Variants in IGF2BP2 observed in about 807,000 individuals in gnomAD.
IGF2BP2 encodes the protein insulin-like growth factor 2 mRNA-binding protein 2.
In IGF2BP2, 17 loss-of-function variants were observed where a neutral mutation model predicts 75.8. The ratio of observed to expected loss-of-function variants is 0.22; its 90% CI spans 0.15 to 0.34. The LOEUF (loss-of-function observed/expected upper bound fraction) is 0.34, where lower values mean the gene tolerates loss of function less well. Among genes scored for constraint, IGF2BP2 ranks in the 10% least tolerant of loss-of-function variants. The pLI is 1.00. For synonymous variants in IGF2BP2, 288 were observed against 295.6 expected (o/e 0.97, Z 0.26); for missense variants, 516 against 772.4 (o/e 0.67, Z 3.93).
At chr3:185,719,800 C>T (rs577833889) in intron 2 of IGF2BP2, among the ~76,000 whole-genome samples, 1 of 152,000 alleles carries the variant, frequency 6.6e-6, no homozygotes, top group African/African-American at 2.4e-5. Context: ...CGCCACTGCA[C>T]TCCAGCCTGG....
intron 12 of IGF2BP2, among the ~76,000 whole-genome samples, chr3:185,655,267 G>T (rs1157563042): frequency 1.3e-5 from 2 of 152,134 alleles, no homozygotes; most frequent in Non-Finnish European, 2.9e-5. Flanking sequence ...AAGTAGCTGG[G>T]ATTACAGGCA....
In IGF2BP2 at chr3:185,755,292, G is replaced by C. The variant is rs533102588; in HGVS notation, c.240-56945C>G. ...GGTACAGCTCGGGCTGCTTTGGAGA[G>C]TGCAAGATACCATAAACCTTGGTAG... On this transcript the variant is annotated intron_variant, in intron 2 of 15. Coordinates refer to ENST00000382199, the MANE Select transcript of IGF2BP2 (RefSeq NM_006548.6). Among the ~76,000 whole-genome samples, 4 of 152,360 alleles carry C rather than the reference G, an allele frequency of 2.6e-5. No homozygotes were observed. The South Asian group carries it at 8.3e-4, about 32-fold the overall frequency.
intron 2 of IGF2BP2, among the ~76,000 whole-genome samples, chr3:185,737,895 C>A (rs142060781): frequency 2.1e-3 from 319 of 152,204 alleles, no homozygotes; most frequent in African/African-American, 7.4e-3. Context: ...GTGGTGATCT[C>A]TTATTATTTC....
intron 2 of IGF2BP2, among the ~76,000 whole-genome samples, chr3:185,766,048 A>G (rs1732999173): frequency 1.3e-5 from 2 of 152,164 alleles, no homozygotes; most frequent in African/African-American, 4.8e-5. Context: ...GCACACATGA[A>G]GATGGGAGAA....
At chr3:185,804,001 A>T (rs976956749) in intron 2 of IGF2BP2, among the ~76,000 whole-genome samples, 1 of 151,950 alleles carries the variant, frequency 6.6e-6, no homozygotes, top group African/African-American at 2.4e-5. Flanking sequence ...GCTCACGCCT[A>T]TAATCCCAGC....
intron 2 of IGF2BP2, among the ~76,000 whole-genome samples, chr3:185,715,076 G>A (rs1036195125): frequency 2.6e-5 from 4 of 152,196 alleles, no homozygotes; most frequent in Admixed American, 6.5e-5. Flanking sequence ...AGACAGACAG[G>A]AGGGGAAACC....
chr3:185,692,592 C>T (rs986411222), intron 5 of IGF2BP2, 107 bp downstream of exon 5: 34 of 1,009,804 alleles, frequency 3.4e-5, no homozygotes, highest in East Asian at 5.1e-5. Context: ...ACATATCCAG[C>T]TCAAAGATCT....
intron 2 of IGF2BP2, among the ~76,000 whole-genome samples, chr3:185,763,601 C>T (rs921186203): frequency 3.9e-5 from 6 of 152,096 alleles, no homozygotes; most frequent in Non-Finnish European, 7.4e-5. Context: ...AAATGTAAAG[C>T]CATTCTTGTA....
intron 4 of IGF2BP2, among the ~76,000 whole-genome samples, chr3:185,694,261 G>A (rs1336907214): frequency 3.3e-5 from 5 of 152,172 alleles, no homozygotes; most frequent in Non-Finnish European, 7.3e-5. Flanking sequence ...CACAGAGAAT[G>A]CTAAAAAGGT....
intron 2 of IGF2BP2, among the ~76,000 whole-genome samples, chr3:185,813,508 G>A (rs1385970593): frequency 1.3e-5 from 2 of 152,158 alleles, no homozygotes; most frequent in Non-Finnish European, 1.5e-5. Flanking sequence ...GCTGGATCCA[G>A]GAGACAGGCC....
chr3:185,771,216 G>A (rs995007794), intron 2 of IGF2BP2, among the ~76,000 whole-genome samples: 2 of 152,106 alleles, frequency 1.3e-5, no homozygotes, highest in Non-Finnish European at 2.9e-5. Flanking sequence ...GAGTTGGGCC[G>A]ATCACTTGAG....
At chr3:185,823,304 C>T (rs1025341491) in intron 1 of IGF2BP2, 91 bp from the exon 2 acceptor site, 13 of 1,013,296 alleles carry the variant, frequency 1.3e-5, no homozygotes, top group Admixed American at 1.1e-4. Context: ...CACGCTCGGG[C>T]TCCGCCTTCG....
intron 10 of IGF2BP2, among the ~76,000 whole-genome samples, chr3:185,668,947 T>G (rs1446426609): frequency 6.6e-6 from 1 of 152,120 alleles, no homozygotes; most frequent in African/African-American, 2.4e-5. Context: ...GTGTAGAAAT[T>G]CAAATGCACG....
At chr3:185,753,697 T>A (rs948226981) in intron 2 of IGF2BP2, among the ~76,000 whole-genome samples, 1 of 152,158 alleles carries the variant, frequency 6.6e-6, no homozygotes, top group Non-Finnish European at 1.5e-5. Context: ...AATAGCAGCA[T>A]CCTTCTCCCA....
intron 2 of IGF2BP2, among the ~76,000 whole-genome samples, chr3:185,798,470 A>G (rs1737737840): frequency 6.6e-6 from 1 of 152,302 alleles, no homozygotes; most frequent in East Asian, 1.9e-4. Flanking sequence ...TGACCACATG[A>G]ATTTTTCTTA....
At chr3:185,824,179 G>A (rs1422231429) in intron 1 of IGF2BP2, among the ~76,000 whole-genome samples, 2 of 151,444 alleles carry the variant, frequency 1.3e-5, no homozygotes, top group East Asian at 2.0e-4. Context: ...GGGGCTGGGG[G>A]AGCCCCGAGA....
intron 2 of IGF2BP2, among the ~76,000 whole-genome samples, chr3:185,815,140 AATG>A (rs1251154887): frequency 6.6e-6 from 1 of 152,128 alleles, no homozygotes; most frequent in Non-Finnish European, 1.5e-5. Flanking sequence ...TGTCAACCAC[AATG>A]ATTTTTAAAA....
rs76204794 is a variant in IGF2BP2, at chr3:185,762,292, C to A, written c.239+60861G>T. ...CCTGTAATCCTAGCACTTCCGGAGGCCAAGACAAGTGGATCACCTGAGGTC... is the reference window on the plus strand; with the variant it reads ...CCTGTAATCCTAGCACTTCCGGAGGACAAGACAAGTGGATCACCTGAGGTC... On this transcript the variant is annotated intron_variant, in intron 2 of 15. Coordinates refer to ENST00000382199, the MANE Select transcript of IGF2BP2 (RefSeq NM_006548.6). 5.4e-3 allele frequency among the ~76,000 whole-genome samples: 805 copies of A among 150,178 alleles called. 7 individuals carry two copies. The highest frequency in any genetic ancestry group is 0.019 in the African/African-American group (761 of 40,688).
At chr3:185,760,818 T>C (rs1297435434) in intron 2 of IGF2BP2, among the ~76,000 whole-genome samples, 1 of 152,198 alleles carries the variant, frequency 6.6e-6, no homozygotes, top group Non-Finnish European at 1.5e-5. Context: ...CTATGGCTGT[T>C]AGAGAGTTCA....
Sources: allele counts gnomAD v4.1 joint callset (sites outside exome capture counted in the v4.1 genomes callset), GRCh38; gene constraint gnomAD v4.1.1; transcripts MANE v1.5; gene names NCBI Gene and HGNC (gene_info 2026-07-23, HGNC 2026-07-21).